The following ASIC2 variants were observed in gnomAD, a reference collection of about 807,000 sequenced individuals.
ASIC2 encodes the protein acid-sensing ion channel 2.
ASIC2 carries 25 observed loss-of-function variants against 57.3 expected under a neutral mutation model. That is an observed-to-expected ratio of 0.44 (90% CI 0.32 to 0.61). The LOEUF (loss-of-function observed/expected upper bound fraction) is 0.61, where lower values mean the gene tolerates loss of function less well. Among genes scored for constraint, ASIC2 ranks in the 20% least tolerant of loss-of-function variants. The pLI is 0.06. For synonymous variants in ASIC2, 319 were observed against 307.5 expected (o/e 1.04, Z -0.39); for missense variants, 641 against 738.1 (o/e 0.87, Z 1.52).
rs2091835219 is a variant in ASIC2, at chr17:33,021,445, T to C, written c.1350-135A>G. 6 of 704,676 alleles carry C rather than the reference T, an allele frequency of 8.5e-6. No homozygotes were observed. The Admixed American group carries it at 1.2e-4, about 14-fold the overall frequency. The allele number at this position is 704,676 out of a possible 1,614,324, so 43.7% of individuals were successfully genotyped here. On this transcript the variant is annotated intron_variant, in intron 6 of 9. Coordinates refer to ENST00000225823, the MANE Select transcript of ASIC2 (RefSeq NM_183377.2). ...GAGGCAGCTTGCCCAAAGTTAGAGC[T>C]GGTTAGTGGCAGAGCTGCGGCTTCA... is the stretch of plus-strand genomic sequence containing the variant.
chr17:33,032,696 G>T (rs2091889579), intron 3 of ASIC2, among the ~76,000 whole-genome samples: 1 of 152,080 alleles, frequency 6.6e-6, no homozygotes, highest in South Asian at 2.1e-4. Flanking sequence ...TGACCTACCT[G>T]CCTCAGCCTC....
chr17:33,982,522 A>G (rs1322455952), intron 1 of ASIC2, among the ~76,000 whole-genome samples: 2 of 152,148 alleles, frequency 1.3e-5, no homozygotes, highest in African/African-American at 4.8e-5. Flanking sequence ...GTTCTGTGAC[A>G]AGATCGTCCA....
intron 1 of ASIC2, among the ~76,000 whole-genome samples, chr17:33,583,296 C>T (rs1380088302): frequency 7.0e-6 from 1 of 142,420 alleles, no homozygotes; most frequent in Non-Finnish European, 1.5e-5. Flanking sequence ...GCAAACCTTG[C>T]TCACTAATTA....
chr17:33,185,343 TAAG>T (rs936638481), intron 1 of ASIC2, among the ~76,000 whole-genome samples: 4 of 152,168 alleles, frequency 2.6e-5, no homozygotes, highest in Non-Finnish European at 4.4e-5. Context: ...CTATTTTTGT[TAAG>T]AAGTTTCTGG....
intron 1 of ASIC2, among the ~76,000 whole-genome samples, chr17:33,731,628 C>A (rs1428504384): frequency 4.6e-5 from 7 of 152,180 alleles, no homozygotes; most frequent in Admixed American, 3.9e-4. Context: ...AAACACTAAA[C>A]CCCCTTGGGA....
intron 1 of ASIC2, among the ~76,000 whole-genome samples, chr17:34,011,064 C>G (rs202074404): frequency 0.064 from 592 of 9,204 alleles, no homozygotes; most frequent in South Asian, 0.087. Flanking sequence ...CAGACACACA[C>G]ATGCCTCCAG....
chr17:33,033,794 C>A (rs1288284715), intron 3 of ASIC2, among the ~76,000 whole-genome samples: 1 of 152,182 alleles, frequency 6.6e-6, no homozygotes, highest in Non-Finnish European at 1.5e-5. Context: ...ACTCAGGGTG[C>A]CCCTTCCAGG....
chr17:33,070,099 T>C (rs1428696468), intron 3 of ASIC2, among the ~76,000 whole-genome samples: 2 of 152,210 alleles, frequency 1.3e-5, no homozygotes, highest in East Asian at 1.9e-4. Flanking sequence ...ATAGTCTACC[T>C]TCAAGTATAG....
chr17:33,058,888 G>A (rs1374563547), intron 3 of ASIC2, among the ~76,000 whole-genome samples: 1 of 152,070 alleles, frequency 6.6e-6, no homozygotes, highest in Non-Finnish European at 1.5e-5. Context: ...AGCAATTCAA[G>A]TGTTCAACAA....
At chr17:34,059,570 A>G (rs1034938239) in intron 1 of ASIC2, among the ~76,000 whole-genome samples, 3 of 152,180 alleles carry the variant, frequency 2.0e-5, no homozygotes, top group African/African-American at 7.2e-5. Context: ...TTTCTTTTGC[A>G]GCTGGGAGGC....
chr17:33,038,881 C>G, intron 3 of ASIC2, among the ~76,000 whole-genome samples: 1 of 108,604 alleles, frequency 9.2e-6, no homozygotes, highest in Non-Finnish European at 1.8e-5. Context: ...AGCACAGCTG[C>G]CCAAGGCCTC....
intron 1 of ASIC2, among the ~76,000 whole-genome samples, chr17:33,847,837 A>G (rs921559857): frequency 6.6e-6 from 1 of 152,132 alleles, no homozygotes; most frequent in African/African-American, 2.4e-5. Context: ...TTCAAGGAGG[A>G]AAAAAGAAGA....
intron 1 of ASIC2, among the ~76,000 whole-genome samples, chr17:33,923,020 C>G (rs973103604): frequency 3.9e-5 from 6 of 152,192 alleles, no homozygotes; most frequent in African/African-American, 1.4e-4. Flanking sequence ...CACTTCTATC[C>G]TAGAGAGGTT....
intron 1 of ASIC2, among the ~76,000 whole-genome samples, chr17:33,733,923 C>T (rs1197735034): frequency 1.3e-5 from 2 of 152,182 alleles, no homozygotes; most frequent in Non-Finnish European, 2.9e-5. Flanking sequence ...ATTGTGACCA[C>T]AAGTGACTGG....
At chr17:33,046,895 T>C (rs1384890253) in intron 3 of ASIC2, among the ~76,000 whole-genome samples, 1 of 152,220 alleles carries the variant, frequency 6.6e-6, no homozygotes, top group Non-Finnish European at 1.5e-5. Context: ...CCCAGTCACC[T>C]TCTTCCTTTG....
intron 1 of ASIC2, among the ~76,000 whole-genome samples, chr17:33,355,919 AG>A (rs1248702398): frequency 6.6e-6 from 1 of 152,188 alleles, no homozygotes; most frequent in Non-Finnish European, 1.5e-5. Flanking sequence ...AGGAATGATC[AG>A]GGGAAAAGGG....
At chr17:33,870,253 G>A (rs1209761071) in intron 1 of ASIC2, among the ~76,000 whole-genome samples, 1 of 36,962 alleles carries the variant, frequency 2.7e-5, no homozygotes, top group African/African-American at 1.2e-4. Flanking sequence ...TTTTTTTTTT[G>A]TCTAAGCACT....
intron 1 of ASIC2, among the ~76,000 whole-genome samples, chr17:33,321,082 A>C (rs534501474): frequency 8.5e-5 from 13 of 152,184 alleles, no homozygotes; most frequent in Non-Finnish European, 1.9e-4. Context: ...CTTCCGTTGA[A>C]TATATACCTG....
intron 1 of ASIC2, among the ~76,000 whole-genome samples, chr17:33,482,596 A>G (rs7225311): frequency 0.82 from 124,249 of 152,198 alleles, 51,154 homozygotes; most frequent in African/African-American, 0.92. Flanking sequence ...GATATCTGCT[A>G]TAATCTCCAT....
Sources: gnomAD v4.1 joint callset for allele counts (sites outside exome capture counted in the v4.1 genomes callset) on GRCh38, gnomAD v4.1.1 for gene constraint, MANE v1.5 for transcripts, NCBI Gene and HGNC (gene_info 2026-07-23, HGNC 2026-07-21) for gene names.